SNX29: variants seen among roughly 807,000 people sequenced by gnomAD.
The protein encoded by SNX29 is sorting nexin-29.
In SNX29, 78 loss-of-function variants were observed where a neutral mutation model predicts 102.1. The ratio of observed to expected loss-of-function variants is 0.76; its 90% CI spans 0.64 to 0.92. The LOEUF (loss-of-function observed/expected upper bound fraction) is 0.92, where lower values mean the gene tolerates loss of function less well. SNX29 is among the 40% of genes least tolerant of loss of function. The probability of loss-of-function intolerance (pLI) is 0.00; values close to 1 mark genes in which losing one functional copy is unlikely to be tolerated. For synonymous variants in SNX29, 580 were observed against 414.5 expected (o/e 1.40, Z -4.85); for missense variants, 1,280 against 1,061.7 (o/e 1.21, Z -2.86).
chr16:12,400,529 A>G (rs1164127857), intron 17 of SNX29, among the ~76,000 whole-genome samples: 1 of 152,162 alleles, frequency 6.6e-6, no homozygotes, highest in Non-Finnish European at 1.5e-5. Flanking sequence ...CACCTTTCTC[A>G]TCCTCAACTT....
intron 18 of SNX29, among the ~76,000 whole-genome samples, chr16:12,406,618 G>A (rs2084176749): frequency 6.6e-6 from 1 of 152,276 alleles, no homozygotes; most frequent in Admixed American, 6.5e-5. Context: ...TAATTAAAAT[G>A]AGATTTATAT....
At chr16:12,555,799 G>C (rs188233323) in intron 20 of SNX29, among the ~76,000 whole-genome samples, 3 of 152,254 alleles carry the variant, frequency 2.0e-5, no homozygotes, top group Admixed American at 2.0e-4. Context: ...GCACACTCCT[G>C]CCTGCCTCTG....
At chr16:12,406,577 C>G (rs1479644893) in intron 18 of SNX29, among the ~76,000 whole-genome samples, 1 of 152,136 alleles carries the variant, frequency 6.6e-6, no homozygotes, top group African/African-American at 2.4e-5. Context: ...TACCAGAGCT[C>G]CTAGCCATGT....
chr16:12,081,053 C>T (rs2051849933), intron 11 of SNX29, among the ~76,000 whole-genome samples: 1 of 152,156 alleles, frequency 6.6e-6, no homozygotes, highest in East Asian at 1.9e-4. Context: ...AGCTTTATCT[C>T]ACTACTGTAA....
intron 1 of SNX29, among the ~76,000 whole-genome samples, chr16:11,997,302 A>G (rs1260784704): frequency 1.3e-5 from 2 of 152,068 alleles, no homozygotes; most frequent in Non-Finnish European, 2.9e-5. Context: ...CTGTCTTTCC[A>G]TAGCTGTTCC....
At chr16:12,562,198 G>T (rs2078764366) in intron 20 of SNX29, among the ~76,000 whole-genome samples, 1 of 152,170 alleles carries the variant, frequency 6.6e-6, no homozygotes, top group African/African-American at 2.4e-5. Context: ...GGTTCACAGA[G>T]GAGTGAACCC....
At chr16:12,393,827 C>A (rs538085035) in intron 16 of SNX29, among the ~76,000 whole-genome samples, 73 of 152,362 alleles carry the variant, frequency 4.8e-4, no homozygotes, top group African/African-American at 1.5e-3. Context: ...TCAGCACATG[C>A]TGGCCTCTCC....
intron 1 of SNX29, among the ~76,000 whole-genome samples, chr16:11,979,710 A>C (rs1404951487): frequency 2.0e-5 from 3 of 152,148 alleles, no homozygotes; most frequent in Non-Finnish European, 4.4e-5. Context: ...CAGGCTCCCA[A>C]GTAGCTGGGA....
chr16:12,400,808 T>C (rs1316197039), intron 17 of SNX29, among the ~76,000 whole-genome samples: 10 of 151,240 alleles, frequency 6.6e-5, no homozygotes, highest in Admixed American at 6.6e-4. Flanking sequence ...TTGACTTCAG[T>C]ACCTCACTTT....
Position 11,999,160 on chromosome 16 carries a change from T to A in SNX29, c.8-137T>A. 3 of 737,892 alleles carry A rather than the reference T, an allele frequency of 4.1e-6. No individual in the cohort carries two copies. The South Asian group carries it at 5.5e-5, about 14-fold the overall frequency. 45.7% of individuals were successfully genotyped at this position (737,892 alleles called of 1,614,324 possible). A position where few individuals can be genotyped will look rare whatever the true frequency, so the allele number is the denominator to read the frequency against. ...TGCAGTAACAGGCAATAGCCAAACT[T>A]CATTGTAATGATACAGATTATTGAT... is the stretch of plus-strand genomic sequence containing the variant. On this transcript the variant is annotated intron_variant, in intron 1 of 20. Coordinates refer to ENST00000566228, the MANE Select transcript of SNX29 (RefSeq NM_032167.5).
intron 18 of SNX29, among the ~76,000 whole-genome samples, chr16:12,441,931 G>T (rs1293038323): frequency 6.6e-6 from 1 of 152,150 alleles, no homozygotes; most frequent in Non-Finnish European, 1.5e-5. Context: ...TGGAATTAAA[G>T]ACACCTGCCA....
rs771889127 is a variant in SNX29 at position 12,042,995 on chromosome 16, C to G, written c.346C>G (p.Arg116Gly). The change falls in exon 5 of 21, where the codon CGC becomes GGC. Residue 116 changes from arginine to glycine, a missense_variant. Arg to Gly is a moderately radical substitution (Grantham distance 125). Transcript: ENST00000566228. ...CATCGCCTCAGACGTGGGCCGGGGT[C>G]GCGCCTGGCTGCGCTGTGCCCTCAA... ...RHIASDVGRG[R>G]AWLRCALNEH... The G allele has an allele frequency of 3.1e-6, 5 of 1,613,716 alleles. No individual in the cohort carries two copies. Among genetic ancestry groups the G allele is most frequent in the East Asian group, 4.5e-5 (2 of 44,888 alleles).
At chr16:12,459,414 C>T (rs557148519) in intron 18 of SNX29, among the ~76,000 whole-genome samples, 1 of 152,204 alleles carries the variant, frequency 6.6e-6, no homozygotes, top group African/African-American at 2.4e-5. Context: ...CTCATGCCTA[C>T]TCTAGGGTCA....
Position 12,345,041 on chromosome 16 carries a change from C to T in SNX29, c.1783-11122C>T, listed in dbSNP as rs553715411. ...TACGTTTAAGGAAAGAGGCCTCTGC[C>T]CCTTTTTCCGCTGACCCTCCCATAA... On this transcript the variant is annotated intron_variant, in intron 15 of 20. Transcript: ENST00000566228. 1.9e-3 allele frequency among the ~76,000 whole-genome samples: 296 copies of T among 152,318 alleles called. 2 individuals are homozygous for T. Among genetic ancestry groups the T allele is most frequent in the African/African-American group, 6.8e-3 (281 of 41,576 alleles).
At position 12,420,399 on chromosome 16, in the gene SNX29, A is replaced by T. The variant is rs2084824714; in HGVS notation, c.2037+16870A>T. Among the ~76,000 whole-genome samples, 11 of 152,158 alleles carry T rather than the reference A, an allele frequency of 7.2e-5. No individual in the cohort carries two copies. The South Asian group carries it at 2.3e-3, about 32-fold the overall frequency. On this transcript the variant is annotated intron_variant, in intron 18 of 20. Coordinates refer to ENST00000566228, the MANE Select transcript of SNX29 (RefSeq NM_032167.5). ...TAATGCCTGTCTCAGAATCAGTAAA[A>T]TCAGGGTGTTTCATCTTCTCTTCCA...
At chr16:12,395,101 T>C (rs965098094) in intron 16 of SNX29, among the ~76,000 whole-genome samples, 2 of 152,230 alleles carry the variant, frequency 1.3e-5, no homozygotes, top group Non-Finnish European at 2.9e-5. Flanking sequence ...TCTTTTTCTC[T>C]CCCTCTTCTG....
At chr16:12,344,284 C>T (rs2081707369) in intron 15 of SNX29, among the ~76,000 whole-genome samples, 1 of 152,092 alleles carries the variant, frequency 6.6e-6, no homozygotes, top group Admixed American at 6.6e-5. Context: ...TAAAATAACC[C>T]AAAGCAGAGA....
At chr16:12,426,703 T>C (rs1329799926) in intron 18 of SNX29, among the ~76,000 whole-genome samples, 1 of 152,252 alleles carries the variant, frequency 6.6e-6, no homozygotes, top group Admixed American at 6.5e-5. Flanking sequence ...TCTCACTCTG[T>C]CGCCCAGGCT....
chr16:12,566,198 C>A (rs577778200), intron 20 of SNX29, among the ~76,000 whole-genome samples: 8 of 152,312 alleles, frequency 5.3e-5, no homozygotes, highest in African/African-American at 1.9e-4. Context: ...TCCTTACCAC[C>A]ACAGTACTAG....
Sources: gnomAD v4.1 joint callset for allele counts (sites outside exome capture counted in the v4.1 genomes callset) on GRCh38, gnomAD v4.1.1 for gene constraint, MANE v1.5 for transcripts, NCBI Gene and HGNC (gene_info 2026-07-23, HGNC 2026-07-21) for gene names.